The following CEP128 variants were observed in gnomAD, a reference collection of about 807,000 sequenced individuals.
CEP128 encodes centrosomal protein 128.
Under a neutral mutation model 156.7 loss-of-function variants are expected in CEP128, and 132 were observed. That is an observed-to-expected ratio of 0.84 (90% confidence interval 0.73 to 0.97). The LOEUF (loss-of-function observed/expected upper bound fraction) is 0.97. Among genes scored for constraint, CEP128 ranks in the 50% least tolerant of loss-of-function variants. The pLI, the probability that CEP128 is intolerant of heterozygous loss-of-function variation, is 0.00. For missense variants in CEP128, 1,252 were observed against 1,281.9 expected (o/e 0.98, Z 0.36); for synonymous variants, 469 against 448.9 (o/e 1.04, Z -0.57).
intron 19 of CEP128, among the ~76,000 whole-genome samples, chr14:80,717,390 AC>A (rs1897646252): frequency 6.6e-6 from 1 of 152,190 alleles, no homozygotes; most frequent in South Asian, 2.1e-4. Flanking sequence ...AATGAATTTC[AC>A]TTCATGGGTC....
intron 18 of CEP128, among the ~76,000 whole-genome samples, chr14:80,752,641 C>A (rs534819210): frequency 1.3e-5 from 2 of 152,288 alleles, no homozygotes; most frequent in Admixed American, 1.3e-4. Flanking sequence ...AAAAAATCCA[C>A]ATCAATAAAA....
rs893523952 is a variant in CEP128 at position 80,627,577 on chromosome 14, T to C, written c.2807-47154A>G. 3.3e-5 allele frequency among the ~76,000 whole-genome samples: 5 copies of C among 152,212 alleles called. No homozygotes were observed. In the East Asian group the frequency reaches 9.6e-4, roughly 29 times the overall value. ...AAATGAATATCATTTGTTGTAGATATACTGCTAATAAGGTCAGCAAGTTAT... is the reference window on the plus strand; with the variant it reads ...AAATGAATATCATTTGTTGTAGATACACTGCTAATAAGGTCAGCAAGTTAT... On this transcript the variant is annotated intron_variant, in intron 19 of 24. Coordinates refer to ENST00000555265, the MANE Select transcript of CEP128 (RefSeq NM_152446.5).
chr14:80,915,201 T>G (rs943540216), intron 3 of CEP128, among the ~76,000 whole-genome samples: 1 of 152,030 alleles, frequency 6.6e-6, no homozygotes, highest in African/African-American at 2.4e-5. Context: ...TTTCCTAATT[T>G]GTGTATAGAC....
At position 80,914,322 on chromosome 14, in the gene CEP128, A is replaced by G. The variant is rs749075546; in HGVS notation, c.234T>C (p.His78=). 4.3e-6 allele frequency: 7 copies of G among 1,610,344 alleles called. No individual in the cohort carries two copies. The Admixed American group carries it at 1.0e-4, about 23-fold the overall frequency. ...AATGCAAACAAATGTAGTTTCTCAC[A>G]TGTTCTATCGCACCCGCCTGTCCAT... The part of the protein sequence containing the change: ...YSNGQAGAIE[H]LKESLEQSID... The change falls in exon 4 of 25, where the codon CAT becomes CAC. Residue 78 remains histidine (H), a splice_region_variant and synonymous_variant. Transcript: ENST00000555265.
intron 24 of CEP128, among the ~76,000 whole-genome samples, chr14:80,502,143 C>A (rs543387645): frequency 6.6e-6 from 1 of 152,346 alleles, no homozygotes; most frequent in Non-Finnish European, 1.5e-5. Context: ...ACCTCTGCTG[C>A]TGCTGTACAC....
intron 10 of CEP128, among the ~76,000 whole-genome samples, chr14:80,839,785 T>TA (rs1318220685): frequency 3.3e-5 from 5 of 151,888 alleles, no homozygotes; most frequent in Non-Finnish European, 5.9e-5. Flanking sequence ...AATGTCATAT[T>TA]AAAAAAAAGT....
At chr14:80,846,306 T>C (rs1201184154) in intron 9 of CEP128, among the ~76,000 whole-genome samples, 1 of 152,138 alleles carries the variant, frequency 6.6e-6, no homozygotes, top group East Asian at 1.9e-4. Context: ...TTACAGATGC[T>C]TTACAAGACG....
rs141364720 is a variant in CEP128, at chr14:80,638,602, A to G, written c.2807-58179T>C. 1.3e-3 allele frequency among the ~76,000 whole-genome samples: 191 copies of G among 152,280 alleles called. 4 individuals are homozygous for G. The Middle Eastern group carries it at 0.024, about 19-fold the overall frequency. On this transcript the variant is annotated intron_variant, in intron 19 of 24. Coordinates refer to ENST00000555265, the MANE Select transcript of CEP128 (RefSeq NM_152446.5). The stretch of plus-strand genomic sequence containing the variant: ...TGTATTCTACTCTAGAACACTTTTC[A>G]TACCACCTGATTTATTTTTTATATA...
At chr14:80,507,028 C>A (rs888448782) in intron 23 of CEP128, among the ~76,000 whole-genome samples, 1 of 151,838 alleles carries the variant, frequency 6.6e-6, no homozygotes, top group African/African-American at 2.4e-5. Context: ...GTGGCACCTC[C>A]CCTCAGCTCT....
Position 80,550,079 on chromosome 14 carries a change from A to G in CEP128, c.2880+9200T>C, listed in dbSNP as rs59619003. On this transcript the variant is annotated intron_variant, in intron 21 of 24. Coordinates refer to ENST00000555265, the MANE Select transcript of CEP128 (RefSeq NM_152446.5). ...TCACAGTGTTTTTAAAAGAAAAATC[A>G]TATTTCTAAGAGTTTTCCAGTGTTT... 6.7e-3 allele frequency among the ~76,000 whole-genome samples: 1,017 copies of G among 152,290 alleles called. 11 individuals are homozygous for G. The highest frequency in any genetic ancestry group is 0.024 in the Middle Eastern group (7 of 294).
chr14:80,506,276 A>C (rs927001997), intron 23 of CEP128, among the ~76,000 whole-genome samples: 3 of 150,984 alleles, frequency 2.0e-5, no homozygotes, highest in Non-Finnish European at 4.4e-5. Context: ...GCTTAGGTAC[A>C]CTGAGCCTGG....
At chr14:80,772,363 G>A (rs1395882026) in intron 16 of CEP128, among the ~76,000 whole-genome samples, 4 of 152,240 alleles carry the variant, frequency 2.6e-5, no homozygotes, top group Non-Finnish European at 5.9e-5. Context: ...GGGACGGTTG[G>A]AGAGGAGATC....
At chr14:80,784,636 T>C (rs539490640) in intron 15 of CEP128, among the ~76,000 whole-genome samples, 33 of 152,318 alleles carry the variant, frequency 2.2e-4, no homozygotes, top group Non-Finnish European at 4.4e-4. Flanking sequence ...TACTGCCACC[T>C]CTGCCTTTCC....
At chr14:80,929,065 A>T (rs1885303304) in intron 2 of CEP128, among the ~76,000 whole-genome samples, 1 of 152,186 alleles carries the variant, frequency 6.6e-6, no homozygotes, top group Non-Finnish European at 1.5e-5. Context: ...GGCAAATGAC[A>T]TAAACAGACA....
chr14:80,749,991 T>C lies in CEP128; in HGVS notation c.2614-6724A>G, dbSNP rs142041992. Reference sequence around the variant, plus strand: ...ATTTTAAAAAATAGTAAAATGAACATGGACTGATAAAAGATATGACATTTA... The same window carrying C: ...ATTTTAAAAAATAGTAAAATGAACACGGACTGATAAAAGATATGACATTTA... On this transcript the variant is annotated intron_variant, in intron 18 of 24. Transcript: ENST00000555265. Among the ~76,000 whole-genome samples the C allele has an allele frequency of 1.5e-3, 224 of 152,256 alleles. 4 individuals carry two copies. Among genetic ancestry groups the C allele is most frequent in the African/African-American group, 4.8e-3 (201 of 41,558 alleles).
chr14:80,924,148 C>CA (rs1382206455), intron 2 of CEP128, among the ~76,000 whole-genome samples: 1 of 152,198 alleles, frequency 6.6e-6, no homozygotes, highest in East Asian at 1.9e-4. Context: ...CTAAGAGTTT[C>CA]AATAGCTGTA....
At chr14:80,894,566 T>C in intron 8 of CEP128, 3 of 445,746 alleles carry the variant, frequency 6.7e-6, no homozygotes, top group Admixed American at 2.5e-5. Context: ...AAAATATATC[T>C]TGATATTCCA....
At position 80,823,864 on chromosome 14, in the gene CEP128, G is replaced by A. The variant is rs199550828; in HGVS notation, c.1209+7279C>T. On this transcript the variant is annotated intron_variant, in intron 13 of 24. Coordinates refer to ENST00000555265, the MANE Select transcript of CEP128 (RefSeq NM_152446.5). ...GGTCCTCTTCTCACAGTTCCACTGG[G>A]CAGTGCCCCAGTAGGGACAATGTGC... Among the ~76,000 whole-genome samples, 16 of 152,338 alleles carry A rather than the reference G, an allele frequency of 1.1e-4. No homozygotes were observed. The East Asian group carries it at 2.1e-3, about 20-fold the overall frequency.
chr14:80,842,652 G>A (rs1886399432), intron 9 of CEP128, among the ~76,000 whole-genome samples: 1 of 151,742 alleles, frequency 6.6e-6, no homozygotes, highest in Non-Finnish European at 1.5e-5. Flanking sequence ...AAGGGTGTAA[G>A]CCTGCACTGG....
Sources: allele counts gnomAD v4.1 joint callset (sites outside exome capture counted in the v4.1 genomes callset), GRCh38; gene constraint gnomAD v4.1.1; transcripts MANE v1.5; gene names NCBI Gene and HGNC (gene_info 2026-07-23, HGNC 2026-07-21).